Variants in SMYD3 observed in about 807,000 individuals in gnomAD.
SMYD3 encodes histone-lysine N-methyltransferase SMYD3.
A neutral mutation model predicts 57.7 loss-of-function variants in SMYD3; 36 were observed. The ratio of observed to expected loss-of-function variants is 0.62; its 90% CI spans 0.48 to 0.82. SMYD3 has a LOEUF of 0.82. Ranked by LOEUF, SMYD3 falls within the 40% of genes least tolerant of loss-of-function variation. SMYD3 has a pLI of 0.00. For synonymous variants in SMYD3, 211 were observed against 195.0 expected, an observed-to-expected ratio of 1.08 and a Z score of -0.68; for missense variants, 515 against 538.8, an observed-to-expected ratio of 0.96 and a Z score of 0.44.
At chr1:245,791,198 A>T (rs1383799990) in intron 10 of SMYD3, among the ~76,000 whole-genome samples, 2 of 152,158 alleles carry the variant, frequency 1.3e-5, no homozygotes, top group Non-Finnish European at 2.9e-5. Flanking sequence ...TTCTTCATCC[A>T]CATGGGATAC....
intron 1 of SMYD3, among the ~76,000 whole-genome samples, chr1:246,475,452 G>A (rs777689848): frequency 2.6e-5 from 4 of 151,882 alleles, no homozygotes; most frequent in Non-Finnish European, 5.9e-5. Flanking sequence ...AGACCAGCCT[G>A]GCCAACATGG....
chr1:246,378,727 A>ATTTTATATATTT (rs2066324269), intron 1 of SMYD3, among the ~76,000 whole-genome samples: 1 of 25,330 alleles, frequency 3.9e-5, no homozygotes, highest in Admixed American at 5.6e-4. Flanking sequence ...ATAATATATT[A>ATTTTATATATTT]TATATTATAT....
At chr1:245,797,519 C>A (rs539328627) in intron 10 of SMYD3, among the ~76,000 whole-genome samples, 16 of 91,588 alleles carry the variant, frequency 1.7e-4, no homozygotes, top group Middle Eastern at 9.1e-3. Context: ...CACACTGGGG[C>A]CTGTGGTGGG....
intron 5 of SMYD3, among the ~76,000 whole-genome samples, chr1:246,071,893 CGTGTTAGTT>C (rs1299388197): frequency 6.2e-5 from 7 of 112,452 alleles, no homozygotes; most frequent in Non-Finnish European, 9.1e-5. Flanking sequence ...GTCGCTGCAT[CGTGTTAGTT>C]CTGGGGAGGG....
chr1:245,882,521 G>C (rs2052842163), intron 8 of SMYD3, among the ~76,000 whole-genome samples: 1 of 152,140 alleles, frequency 6.6e-6, no homozygotes, highest in Non-Finnish European at 1.5e-5. Flanking sequence ...GTGGGGGTGA[G>C]GGGTGTTGAG....
intron 5 of SMYD3, among the ~76,000 whole-genome samples, chr1:246,138,696 A>AAT (rs1553298754): frequency 2.3e-4 from 35 of 150,868 alleles, no homozygotes; most frequent in African/African-American, 8.5e-4. Context: ...AAGTGCTGGG[A>AAT]TTACAGGCAT....
At chr1:245,908,293 G>A (rs759627860) in intron 8 of SMYD3, among the ~76,000 whole-genome samples, 20 of 152,134 alleles carry the variant, frequency 1.3e-4, no homozygotes, top group Non-Finnish European at 1.9e-4. Context: ...TCAATTCAGC[G>A]ATAGGATATA....
intron 5 of SMYD3, among the ~76,000 whole-genome samples, chr1:246,039,651 C>A (rs1558173616): frequency 1.3e-5 from 2 of 152,218 alleles, no homozygotes; most frequent in Middle Eastern, 3.4e-3. Flanking sequence ...CATGTGAGAT[C>A]AAAAGAGTAG....
chr1:246,187,951 G>A (rs182293269), intron 5 of SMYD3, among the ~76,000 whole-genome samples: 8 of 151,912 alleles, frequency 5.3e-5, no homozygotes, highest in Admixed American at 6.6e-5. Context: ...CATTCCTCAC[G>A]TGCACTGAGG....
intron 10 of SMYD3, among the ~76,000 whole-genome samples, chr1:245,800,010 C>G (rs2047777153): frequency 2.0e-5 from 3 of 152,222 alleles, no homozygotes; most frequent in Admixed American, 2.0e-4. Flanking sequence ...ATAACAAACA[C>G]CCTGCAAAAA....
chr1:246,427,379 G>T (rs1045099085), intron 1 of SMYD3, among the ~76,000 whole-genome samples: 2 of 151,446 alleles, frequency 1.3e-5, no homozygotes, highest in African/African-American at 4.8e-5. Context: ...AATTAGCCGG[G>T]CGTAGTGGCG....
intron 10 of SMYD3, among the ~76,000 whole-genome samples, chr1:245,803,539 C>G (rs1426742057): frequency 6.6e-6 from 1 of 152,198 alleles, no homozygotes; most frequent in Non-Finnish European, 1.5e-5. Context: ...AGGTTTTTCT[C>G]TGAGTGCAAT....
chr1:245,859,023 C>T (rs564819648), intron 9 of SMYD3, among the ~76,000 whole-genome samples: 78 of 152,184 alleles, frequency 5.1e-4, no homozygotes, highest in African/African-American at 1.3e-3. Context: ...TAAGTTAATT[C>T]GATTTTAAAT....
At chr1:246,154,840 G>T (rs2061998770) in intron 5 of SMYD3, among the ~76,000 whole-genome samples, 3 of 150,522 alleles carry the variant, frequency 2.0e-5, no homozygotes, top group African/African-American at 4.9e-5. Context: ...GGAGTGCACT[G>T]GTGCAATTTT....
intron 1 of SMYD3, among the ~76,000 whole-genome samples, chr1:246,485,088 A>T (rs2068165341): frequency 6.9e-6 from 1 of 144,550 alleles, no homozygotes; most frequent in Non-Finnish European, 1.5e-5. Flanking sequence ...CTGAAAACAC[A>T]TCGCCTCAAC....
chr1:246,072,773 G>A (rs889275116), intron 5 of SMYD3, among the ~76,000 whole-genome samples: 7 of 150,802 alleles, frequency 4.6e-5, no homozygotes, highest in African/African-American at 1.7e-4. Context: ...AACACAGATG[G>A]TAAACTGCTT....
intron 1 of SMYD3, among the ~76,000 whole-genome samples, chr1:246,364,539 G>A (rs779053505): frequency 1.3e-5 from 2 of 152,164 alleles, no homozygotes; most frequent in African/African-American, 4.8e-5. Flanking sequence ...AAAGTAGATG[G>A]AGTAGTACAC....
chr1:245,808,656 G>T (rs2048308738), intron 10 of SMYD3, among the ~76,000 whole-genome samples: 1 of 152,188 alleles, frequency 6.6e-6, no homozygotes. Flanking sequence ...TGCAGGTGTA[G>T]TTGTCTCCAT....
At chr1:246,300,925 T>C (rs1443699749) in intron 5 of SMYD3, among the ~76,000 whole-genome samples, 1 of 152,148 alleles carries the variant, frequency 6.6e-6, no homozygotes, top group Non-Finnish European at 1.5e-5. Flanking sequence ...ACAAGGGATA[T>C]TAACTTCAGA....
Sources: gnomAD v4.1 joint callset for allele counts (sites outside exome capture counted in the v4.1 genomes callset) on GRCh38, gnomAD v4.1.1 for gene constraint, MANE v1.5 for transcripts, NCBI Gene and HGNC (gene_info 2026-07-23, HGNC 2026-07-21) for gene names.